The following CHCHD6 variants were observed in gnomAD, a reference collection of about 807,000 sequenced individuals.
CHCHD6 encodes coiled-coil-helix-coiled-coil-helix domain containing 6, also known as MICOS complex subunit MIC25.
In CHCHD6, 28 loss-of-function variants were observed where a neutral mutation model predicts 32.3. The ratio of observed to expected loss-of-function variants is 0.87; its 90% confidence interval spans 0.64 to 1.19. The LOEUF is 1.19. CHCHD6 is among the 50% of genes most tolerant of loss of function. CHCHD6 has a pLI of 0.00. For synonymous variants in CHCHD6, 122 were observed against 117.5 expected (o/e 1.04, Z -0.25); for missense variants, 333 against 307.0 (o/e 1.08, Z -0.63).
chr3:126,708,592 G>A (rs1301620193), intron 1 of CHCHD6, among the ~76,000 whole-genome samples: 1 of 150,656 alleles, frequency 6.6e-6, no homozygotes, highest in African/African-American at 2.5e-5. Flanking sequence ...GGAGGCTGAG[G>A]CAGGAGGATC....
rs897378338 is a variant in CHCHD6, at chr3:126,847,424, C to T, written c.412-5223C>T. Among the ~76,000 whole-genome samples the T allele has an allele frequency of 4.6e-5, 7 of 152,062 alleles. No individual in the cohort carries two copies. In the East Asian group the frequency reaches 9.6e-4, roughly 21 times the overall value. On this transcript the variant is annotated intron_variant, in intron 4 of 7. Transcript: ENST00000290913. ...GACCTGTCTTCACAGTGGTAGTGGA[C>T]GCAGCTCATAAAATGGAAGCTTGCC...
intron 6 of CHCHD6, chr3:126,949,384 C>T (rs2078682525): frequency 1.8e-5 from 4 of 222,870 alleles, no homozygotes; most frequent in Non-Finnish European, 2.7e-5. Context: ...CTGCCATGGA[C>T]GGAAAAAGGG....
chr3:126,921,785 A>G (rs903543864), intron 6 of CHCHD6, among the ~76,000 whole-genome samples: 2 of 152,236 alleles, frequency 1.3e-5, no homozygotes, highest in Admixed American at 1.3e-4. Context: ...GACAGGACTT[A>G]GTAAACTCTG....
chr3:126,738,128 TCTTA>T (rs1411150980), intron 4 of CHCHD6, among the ~76,000 whole-genome samples: 1 of 152,150 alleles, frequency 6.6e-6, no homozygotes, highest in Non-Finnish European at 1.5e-5. Context: ...ACTTTTGATC[TCTTA>T]CTATTTCATT....
intron 4 of CHCHD6, among the ~76,000 whole-genome samples, chr3:126,787,770 A>G (rs1018261235): frequency 2.0e-5 from 3 of 152,364 alleles, no homozygotes; most frequent in African/African-American, 7.2e-5. Context: ...GTCATCAGCA[A>G]ACAGGGACAG....
chr3:126,829,876 T>C (rs1243728371), intron 4 of CHCHD6, among the ~76,000 whole-genome samples: 1 of 152,092 alleles, frequency 6.6e-6, no homozygotes, highest in African/African-American at 2.4e-5. Context: ...GGCAGGTGGA[T>C]CACCTGAGGT....
chr3:126,804,784 T>A (rs1939276049), intron 4 of CHCHD6, among the ~76,000 whole-genome samples: 1 of 152,218 alleles, frequency 6.6e-6, no homozygotes, highest in African/African-American at 2.4e-5. Flanking sequence ...TGATGAACAT[T>A]GATGCAAAAA....
intron 5 of CHCHD6, among the ~76,000 whole-genome samples, chr3:126,897,930 C>A (rs1273233024): frequency 6.6e-6 from 1 of 152,220 alleles, no homozygotes; most frequent in Non-Finnish European, 1.5e-5. Flanking sequence ...CTAGATGAGT[C>A]TTTCAGCCTC....
At chr3:126,831,952 G>A (rs539217619) in intron 4 of CHCHD6, among the ~76,000 whole-genome samples, 27 of 152,292 alleles carry the variant, frequency 1.8e-4, no homozygotes, top group African/African-American at 6.5e-4. Context: ...GATCTTCCCT[G>A]GAGCAAGGGA....
At position 126,867,509 on chromosome 3, in the gene CHCHD6, T is replaced by C. The variant is rs146616765; in HGVS notation, c.495+14779T>C. On this transcript the variant is annotated intron_variant, in intron 5 of 7. Transcript: ENST00000290913. ...ACCACCTATCCCTGCTGGAAAAGAC[T>C]GTTAAACAGATAATTTTAATGAAAT... Among the ~76,000 whole-genome samples, 936 of 152,366 alleles carry C rather than the reference T, an allele frequency of 6.1e-3. 5 individuals are homozygous for C. Among genetic ancestry groups the C allele is most frequent in the African/African-American group, 0.02 (852 of 41,586 alleles).
At chr3:126,902,488 G>A (rs1240668967) in intron 5 of CHCHD6, among the ~76,000 whole-genome samples, 2 of 152,068 alleles carry the variant, frequency 1.3e-5, no homozygotes, top group Non-Finnish European at 1.5e-5. Flanking sequence ...AGGCCGAGGC[G>A]GGCAGATCAT....
At chr3:126,778,890 A>C (rs1415391891) in intron 4 of CHCHD6, among the ~76,000 whole-genome samples, 4 of 151,550 alleles carry the variant, frequency 2.6e-5, no homozygotes, top group Non-Finnish European at 5.9e-5. Context: ...GAGTAGCTGG[A>C]ACTACAGCCA....
chr3:126,839,993 C>G (rs1392219281), intron 4 of CHCHD6, among the ~76,000 whole-genome samples: 1 of 152,176 alleles, frequency 6.6e-6, no homozygotes, highest in African/African-American at 2.4e-5. Context: ...TTGGCAAGCA[C>G]TCATCTGTTT....
rs1457355400 is a variant in CHCHD6, at chr3:126,791,187, T to C, written c.411+57965T>C. Among the ~76,000 whole-genome samples the C allele has an allele frequency of 2.0e-5, 3 of 152,242 alleles. No homozygotes were observed. The East Asian group carries it at 5.8e-4, about 29-fold the overall frequency. Reference sequence around the variant, plus strand: ...CTGTCTGAATGTTCCTCTGGAAGTTTCATCTCAGAGGGGTACCCGGCCGTT... The same window carrying C: ...CTGTCTGAATGTTCCTCTGGAAGTTCCATCTCAGAGGGGTACCCGGCCGTT... On this transcript the variant is annotated intron_variant, in intron 4 of 7. Transcript: ENST00000290913.
At chr3:126,747,376 AGAT>A (rs1936549118) in intron 4 of CHCHD6, among the ~76,000 whole-genome samples, 1 of 152,176 alleles carries the variant, frequency 6.6e-6, no homozygotes, top group Non-Finnish European at 1.5e-5. Context: ...CTGTAAAGTG[AGAT>A]GATAGTGCAA....
chr3:126,796,830 G>A (rs768857236), intron 4 of CHCHD6, among the ~76,000 whole-genome samples: 2 of 152,140 alleles, frequency 1.3e-5, no homozygotes, highest in South Asian at 2.1e-4. Context: ...GGCCAAACTC[G>A]AGCTTCCTTG....
At chr3:126,766,736 G>T in intron 4 of CHCHD6, 2 of 1,161,916 alleles carry the variant, frequency 1.7e-6, no homozygotes, top group Non-Finnish European at 2.6e-6. Flanking sequence ...ACTGCTTTTG[G>T]GTATGTGGTA....
At chr3:126,831,056 C>T (rs1940617951) in intron 4 of CHCHD6, among the ~76,000 whole-genome samples, 2 of 151,602 alleles carry the variant, frequency 1.3e-5, no homozygotes, top group South Asian at 4.2e-4. Flanking sequence ...CATAGTCTCA[C>T]TCTTTTGCTC....
intron 5 of CHCHD6, among the ~76,000 whole-genome samples, chr3:126,856,408 A>T (rs1236401530): frequency 1.3e-5 from 2 of 152,192 alleles, no homozygotes; most frequent in Non-Finnish European, 2.9e-5. Context: ...AGAACTCCAA[A>T]CACACATTCA....
Sources: allele counts gnomAD v4.1 joint callset (sites outside exome capture counted in the v4.1 genomes callset), GRCh38; gene constraint gnomAD v4.1.1; transcripts MANE v1.5; gene names NCBI Gene and HGNC (gene_info 2026-07-23, HGNC 2026-07-21).